Variants in DSCAM observed in about 807,000 individuals in gnomAD.
The protein encoded by DSCAM is cell adhesion molecule DSCAM.
In DSCAM, 47 loss-of-function variants were observed where a neutral mutation model predicts 217.7. The observed-to-expected ratio is 0.22, with a 90% CI of 0.17 to 0.28. The LOEUF (loss-of-function observed/expected upper bound fraction) is 0.28, where lower values mean the gene tolerates loss of function less well. Among genes scored for constraint, DSCAM ranks in the 10% least tolerant of loss-of-function variants. The probability of loss-of-function intolerance (pLI) is 1.00; values close to 1 mark genes in which losing one functional copy is unlikely to be tolerated. For synonymous variants in DSCAM, 1,056 were observed against 1,015.3 expected, an observed-to-expected ratio of 1.04 and a Z score of -0.76; for missense variants, 2,080 against 2,618.3, an observed-to-expected ratio of 0.79 and a Z score of 4.49.
intron 14 of DSCAM, among the ~76,000 whole-genome samples, chr21:40,180,347 T>C (rs2090785767): frequency 6.6e-6 from 1 of 152,192 alleles, no homozygotes; most frequent in African/African-American, 2.4e-5. Flanking sequence ...TTTTGGATAC[T>C]GTAACTTCTC....
intron 3 of DSCAM, among the ~76,000 whole-genome samples, chr21:40,423,147 C>T (rs1413332051): frequency 1.3e-5 from 2 of 152,150 alleles, no homozygotes; most frequent in Non-Finnish European, 2.9e-5. Context: ...TAGAAGGTAT[C>T]GCCTGGGTAA....
At chr21:40,774,243 T>A (rs1352793329) in intron 1 of DSCAM, among the ~76,000 whole-genome samples, 5 of 152,058 alleles carry the variant, frequency 3.3e-5, no homozygotes, top group African/African-American at 9.7e-5. Context: ...AGCATAGAAG[T>A]GATAGAGGGG....
chr21:40,694,263 C>T (rs1292771990), intron 2 of DSCAM, among the ~76,000 whole-genome samples: 1 of 152,158 alleles, frequency 6.6e-6, no homozygotes, highest in African/African-American at 2.4e-5. Flanking sequence ...TCTTATAAGT[C>T]TATGATTTTC....
intron 1 of DSCAM, among the ~76,000 whole-genome samples, chr21:40,812,023 G>A (rs895073952): frequency 6.6e-6 from 1 of 152,234 alleles, no homozygotes; most frequent in Non-Finnish European, 1.5e-5. Context: ...GAGTAGAAGA[G>A]TTAGCTTACA....
At chr21:40,100,615 C>T (rs1435271379) in intron 20 of DSCAM, among the ~76,000 whole-genome samples, 2 of 150,060 alleles carry the variant, frequency 1.3e-5, no homozygotes, top group Admixed American at 6.6e-5. Flanking sequence ...AGCTGGGTTG[C>T]TATTTCAGAG....
At chr21:40,620,038 AAG>A (rs1373190210) in intron 3 of DSCAM, among the ~76,000 whole-genome samples, 4 of 115,760 alleles carry the variant, frequency 3.5e-5, no homozygotes, top group Admixed American at 8.4e-5. Context: ...GAGAGAGAGA[AAG>A]AGAGAGAAAA....
intron 1 of DSCAM, among the ~76,000 whole-genome samples, chr21:40,793,855 GA>G (rs2123473699): frequency 6.6e-6 from 1 of 152,124 alleles, no homozygotes; most frequent in South Asian, 2.1e-4. Flanking sequence ...GTCTGGCTTA[GA>G]CAAAAAATCA....
chr21:40,560,910 G>A (rs142186797), intron 3 of DSCAM, among the ~76,000 whole-genome samples: 1 of 152,168 alleles, frequency 6.6e-6, no homozygotes, highest in Admixed American at 6.5e-5. Context: ...CCACGGTAAA[G>A]CCAAATATTG....
chr21:40,809,429 G>C (rs994960567), intron 1 of DSCAM, among the ~76,000 whole-genome samples: 1 of 152,058 alleles, frequency 6.6e-6, no homozygotes, highest in African/African-American at 2.4e-5. Flanking sequence ...GTTCTAAAAG[G>C]GCGATTGTTG....
chr21:40,148,505 T>C (rs770745903), intron 16 of DSCAM, among the ~76,000 whole-genome samples: 1 of 152,250 alleles, frequency 6.6e-6, no homozygotes, highest in South Asian at 2.1e-4. Flanking sequence ...TGCTATGGCA[T>C]GCTAACTGTA....
At chr21:40,324,141 A>G (rs1365339894) in intron 8 of DSCAM, among the ~76,000 whole-genome samples, 8 of 149,942 alleles carry the variant, frequency 5.3e-5, no homozygotes, top group South Asian at 2.1e-4. Flanking sequence ...AGAAAAAAAA[A>G]AGAGAGAGAG....
intron 1 of DSCAM, among the ~76,000 whole-genome samples, chr21:40,728,937 C>CT (rs71332305): frequency 0.024 from 3,596 of 151,972 alleles, 62 homozygotes; most frequent in Non-Finnish European, 0.034. Context: ...AAGTGTGCTC[C>CT]TTCACTCAGT....
intron 1 of DSCAM, among the ~76,000 whole-genome samples, chr21:40,834,040 A>T (rs1301865540): frequency 1.3e-5 from 2 of 152,192 alleles, no homozygotes; most frequent in Non-Finnish European, 2.9e-5. Context: ...GTTAAGAACC[A>T]CTGAAGAACA....
Position 40,471,467 on chromosome 21 carries a change from A to T in DSCAM, c.509-102222T>A, listed in dbSNP as rs1485264282. Among the ~76,000 whole-genome samples, 4 of 152,332 alleles carry T rather than the reference A, an allele frequency of 2.6e-5. No homozygotes were observed. In the East Asian group the frequency reaches 7.7e-4, roughly 29 times the overall value. On this transcript the variant is annotated intron_variant, in intron 3 of 32. Coordinates refer to ENST00000400454, the MANE Select transcript of DSCAM (RefSeq NM_001389.5). ...GCTTTTAAAACAACATCAGTAACTG[A>T]TTATGCATGAGACAGTACTAGGGTT...
intron 11 of DSCAM, among the ~76,000 whole-genome samples, chr21:40,202,354 G>C (rs949740498): frequency 1.1e-4 from 17 of 152,220 alleles, no homozygotes; most frequent in Non-Finnish European, 5.9e-5. Flanking sequence ...TGGAGAAACA[G>C]AGAAGATAAA....
intron 11 of DSCAM, among the ~76,000 whole-genome samples, chr21:40,229,180 T>C (rs115412141): frequency 0.011 from 1,662 of 152,338 alleles, 29 homozygotes; most frequent in African/African-American, 0.038. Context: ...GTGCAATGTT[T>C]AGGTATAGTT....
intron 3 of DSCAM, among the ~76,000 whole-genome samples, chr21:40,385,937 G>T (rs1360567190): frequency 6.6e-6 from 1 of 152,176 alleles, no homozygotes; most frequent in Non-Finnish European, 1.5e-5. Context: ...TGGCCAATGG[G>T]ATTTTGCCTT....
At chr21:40,152,327 G>A (rs942086697) in intron 16 of DSCAM, among the ~76,000 whole-genome samples, 5 of 152,160 alleles carry the variant, frequency 3.3e-5, no homozygotes, top group South Asian at 2.1e-4. Flanking sequence ...CCCCTTGAAC[G>A]CAGTGCAAAT....
chr21:40,584,320 T>C (rs2076927670), intron 3 of DSCAM, among the ~76,000 whole-genome samples: 1 of 152,158 alleles, frequency 6.6e-6, no homozygotes, highest in South Asian at 2.1e-4. Flanking sequence ...ATGAATTACA[T>C]ATATTTTGCA....
Sources: allele counts gnomAD v4.1 joint callset (sites outside exome capture counted in the v4.1 genomes callset), GRCh38; gene constraint gnomAD v4.1.1; transcripts MANE v1.5; gene names NCBI Gene and HGNC (gene_info 2026-07-23, HGNC 2026-07-21).